NEK10: variants seen among roughly 807,000 people sequenced by gnomAD.
The protein encoded by NEK10 is serine/threonine-protein kinase Nek10.
NEK10 carries 122 observed loss-of-function variants against 159.8 expected under a neutral mutation model. The ratio of observed to expected loss-of-function variants is 0.76; its 90% confidence interval spans 0.66 to 0.89. The LOEUF (loss-of-function observed/expected upper bound fraction) is 0.89. Ranked by LOEUF, NEK10 falls within the 40% of genes least tolerant of loss-of-function variation. The pLI is 0.00. For synonymous variants in NEK10, 466 were observed against 457.1 expected, an observed-to-expected ratio of 1.02 and a Z score of -0.25; for missense variants, 1,342 against 1,323.1, an observed-to-expected ratio of 1.01 and a Z score of -0.22.
chr3:27,122,684 C>G (rs1941477155), intron 32 of NEK10, among the ~76,000 whole-genome samples: 1 of 152,080 alleles, frequency 6.6e-6, no homozygotes, highest in Non-Finnish European at 1.5e-5. Flanking sequence ...TGCCTGAAAT[C>G]TCATCCTAAT....
rs2044834992 is a variant in NEK10, at chr3:27,313,081, C to G, written c.490-904G>C. ...TCCAGCCTGGCCAACATGGTGTAAC[C>G]CTGTCTCTACTAAAAATACAAAAAA... is the stretch of plus-strand genomic sequence containing the variant. On this transcript the variant is annotated intron_variant, in intron 7 of 35. Transcript: ENST00000691995. 2.6e-5 allele frequency among the ~76,000 whole-genome samples: 4 copies of G among 151,254 alleles called. No homozygotes were observed. The South Asian group carries it at 8.4e-4, about 32-fold the overall frequency.
chr3:27,264,658 G>A (rs768357495), intron 22 of NEK10, among the ~76,000 whole-genome samples: 5 of 152,054 alleles, frequency 3.3e-5, no homozygotes, highest in African/African-American at 9.7e-5. Context: ...TTGGGAGGCC[G>A]AGGCAGGTGG....
At chr3:27,261,982 CTTCT>C (rs1198196114) in intron 22 of NEK10, among the ~76,000 whole-genome samples, 1 of 152,088 alleles carries the variant, frequency 6.6e-6, no homozygotes, top group Non-Finnish European at 1.5e-5. Flanking sequence ...ATGTAATGGC[CTTCT>C]TTGTCTCTTT....
intron 32 of NEK10, among the ~76,000 whole-genome samples, chr3:27,126,552 G>A (rs1185496432): frequency 2.6e-5 from 4 of 152,258 alleles, no homozygotes; most frequent in Admixed American, 6.5e-5. Context: ...CACTCAAAGT[G>A]TGTCCCTGGA....
At chr3:27,261,660 G>C (rs1466653649) in intron 22 of NEK10, among the ~76,000 whole-genome samples, 2 of 152,174 alleles carry the variant, frequency 1.3e-5, no homozygotes, top group Admixed American at 1.3e-4. Context: ...GTCAATTTTG[G>C]AATAAGTGTG....
At chr3:27,272,030 C>T (rs548377795) in intron 22 of NEK10, among the ~76,000 whole-genome samples, 17 of 152,236 alleles carry the variant, frequency 1.1e-4, no homozygotes, top group African/African-American at 3.1e-4. Context: ...CAAAAATGGC[C>T]TATAAAACTT....
intron 11 of NEK10, among the ~76,000 whole-genome samples, chr3:27,306,163 A>G (rs1218885042): frequency 6.6e-6 from 1 of 151,096 alleles, no homozygotes; most frequent in African/African-American, 2.4e-5. Flanking sequence ...CTCTTTTCAC[A>G]CTCCTCCACT....
At chr3:27,219,878 T>G (rs1951912745) in intron 23 of NEK10, among the ~76,000 whole-genome samples, 1 of 152,204 alleles carries the variant, frequency 6.6e-6, no homozygotes, top group Non-Finnish European at 1.5e-5. Flanking sequence ...AGTAAGTTTA[T>G]AGTACACAAA....
At chr3:27,244,692 C>T (rs1435087844) in intron 23 of NEK10, among the ~76,000 whole-genome samples, 1 of 152,138 alleles carries the variant, frequency 6.6e-6, no homozygotes, top group Non-Finnish European at 1.5e-5. Context: ...GAAACCAGAG[C>T]CCCTGTGTAG....
intron 25 of NEK10, among the ~76,000 whole-genome samples, chr3:27,199,859 C>G (rs994787619): frequency 1.3e-5 from 2 of 152,142 alleles, no homozygotes; most frequent in Non-Finnish European, 2.9e-5. Context: ...AATGCAGGAA[C>G]AGAAAACCAA....
intron 1 of NEK10, among the ~76,000 whole-genome samples, chr3:27,365,606 T>TGG (rs372186868): frequency 9.2e-6 from 1 of 108,766 alleles, no homozygotes; most frequent in Non-Finnish European, 1.8e-5. Context: ...TGTTTTTTTT[T>TGG]TGTGTTTTTT....
intron 5 of NEK10, among the ~76,000 whole-genome samples, chr3:27,337,587 G>A (rs1443708276): frequency 6.6e-6 from 1 of 152,020 alleles, no homozygotes; most frequent in African/African-American, 2.4e-5. Flanking sequence ...GCATGGTAAT[G>A]GTATAAAACC....
chr3:27,154,067 T>C (rs565276584), intron 30 of NEK10, among the ~76,000 whole-genome samples: 66 of 152,130 alleles, frequency 4.3e-4, no homozygotes, highest in African/African-American at 1.6e-3. Flanking sequence ...TCAAGATTAA[T>C]CAAGAAAAGA....
intron 26 of NEK10, among the ~76,000 whole-genome samples, chr3:27,185,337 T>C (rs1412557936): frequency 2.0e-5 from 3 of 152,194 alleles, no homozygotes; most frequent in Non-Finnish European, 4.4e-5. Flanking sequence ...CTTATTGTCA[T>C]AAGCATGAAA....
At chr3:27,341,773 G>A (rs1200985188) in intron 5 of NEK10, among the ~76,000 whole-genome samples, 4 of 152,126 alleles carry the variant, frequency 2.6e-5, no homozygotes, top group Non-Finnish European at 4.4e-5. Context: ...AGCTGGAGTT[G>A]GGGTAAGTAA....
chr3:27,361,809 A>G (rs1281218353), intron 1 of NEK10, among the ~76,000 whole-genome samples: 1 of 152,214 alleles, frequency 6.6e-6, no homozygotes, highest in Non-Finnish European at 1.5e-5. Flanking sequence ...GCTATAAAAT[A>G]AAATTGAATT....
At chr3:27,131,744 A>G (rs1033058450) in intron 32 of NEK10, 136 bp downstream of exon 32, 1 of 433,250 alleles carries the variant, frequency 2.3e-6, no homozygotes, top group Non-Finnish European at 4.2e-6. Context: ...ACATATCCTC[A>G]ATTTAGTATG....
chr3:27,141,075 G>A (rs1341250648), intron 31 of NEK10, among the ~76,000 whole-genome samples: 1 of 152,054 alleles, frequency 6.6e-6, no homozygotes, highest in African/African-American at 2.4e-5. Context: ...TGTGGTTTTG[G>A]CTTTCACTCT....
intron 1 of NEK10, among the ~76,000 whole-genome samples, chr3:27,356,029 A>G (rs975466549): frequency 6.6e-6 from 1 of 152,180 alleles, no homozygotes; most frequent in African/African-American, 2.4e-5. Flanking sequence ...GGTTTAGTGC[A>G]TTTTACAAAG....
Sources: gnomAD v4.1 joint callset for allele counts (sites outside exome capture counted in the v4.1 genomes callset) on GRCh38, gnomAD v4.1.1 for gene constraint, MANE v1.5 for transcripts, NCBI Gene and HGNC (gene_info 2026-07-23, HGNC 2026-07-21) for gene names.